TSC22D1: variants seen among roughly 807,000 people sequenced by gnomAD.
TSC22D1 encodes TSC22 domain family member 1.
TSC22D1 carries 9 observed loss-of-function variants against 74.2 expected under a neutral mutation model. The ratio of observed to expected loss-of-function variants is 0.12; its 90% CI spans 0.07 to 0.21. The LOEUF (loss-of-function observed/expected upper bound fraction) is 0.21, where lower values mean the gene tolerates loss of function less well. Ranked by LOEUF, TSC22D1 falls within the 10% of genes least tolerant of loss-of-function variation. The pLI, the probability that TSC22D1 is intolerant of heterozygous loss-of-function variation, is 1.00. For missense variants in TSC22D1, 1,427 were observed against 1,304.7 expected, an observed-to-expected ratio of 1.09 and a Z score of -1.44; for synonymous variants, 586 against 492.5, an observed-to-expected ratio of 1.19 and a Z score of -2.51.
At chr13:44,554,662 T>C (rs919608739) in intron 1 of TSC22D1, among the ~76,000 whole-genome samples, 5 of 147,234 alleles carry the variant, frequency 3.4e-5, no homozygotes, top group African/African-American at 1.2e-4. Context: ...AAAGAGGTAC[T>C]GTTAAAAACC....
chr13:44,475,737 A>G (rs1167298780), intron 1 of TSC22D1, among the ~76,000 whole-genome samples: 1 of 152,194 alleles, frequency 6.6e-6, no homozygotes, highest in Non-Finnish European at 1.5e-5. Context: ...ACAAAGAGAT[A>G]TAAAGTCTGA....
At chr13:44,511,256 A>G (rs760680850) in intron 1 of TSC22D1, among the ~76,000 whole-genome samples, 12 of 152,130 alleles carry the variant, frequency 7.9e-5, no homozygotes, top group Admixed American at 1.3e-4. Context: ...TACACTTCAG[A>G]CTGGGCAACA....
Position 44,575,391 on chromosome 13 carries a change from A to G in TSC22D1, c.684T>C (p.His228=), listed in dbSNP as rs1234930173. Residue 228 remains histidine (H), a synonymous_variant, in exon 1 of 3, where the codon CAT becomes CAC. Transcript: ENST00000458659. ...HHLHHHHQIH[H]GHHLQHGHHH... is the part of the protein sequence containing the mutation. ...GGTGACCATGTTGGAGGTGGTGCCC[A>G]TGATGAATCTGATGGTGGTGATGGA... is the stretch of plus-strand genomic sequence containing the variant. The G allele has an allele frequency of 5.6e-6, 9 of 1,613,972 alleles. No homozygotes were observed. Among genetic ancestry groups the G allele is most frequent in the South Asian group, 5.5e-5 (5 of 91,064 alleles).
intron 1 of TSC22D1, among the ~76,000 whole-genome samples, chr13:44,551,389 G>GGTGGGTGGGTGT (rs1298469090): frequency 8.0e-6 from 1 of 125,252 alleles, no homozygotes; most frequent in African/African-American, 3.1e-5. Context: ...CAATCAGATG[G>GGTGGGTGGGTGT]GTGTGTGTGT....
chr13:44,483,654 C>A (rs1362149021), intron 1 of TSC22D1, among the ~76,000 whole-genome samples: 4 of 145,128 alleles, frequency 2.8e-5, no homozygotes, highest in African/African-American at 1.0e-4. Context: ...GGCGACAGAG[C>A]GAGACTCCGT....
intron 1 of TSC22D1, among the ~76,000 whole-genome samples, chr13:44,466,270 G>A (rs1365091155): frequency 1.3e-5 from 2 of 152,158 alleles, no homozygotes; most frequent in African/African-American, 4.8e-5. Flanking sequence ...AGAGGGATTT[G>A]GGTAAACTAT....
At chr13:44,464,499 T>C (rs1877160317) in intron 1 of TSC22D1, among the ~76,000 whole-genome samples, 1 of 152,118 alleles carries the variant, frequency 6.6e-6, no homozygotes, top group Non-Finnish European at 1.5e-5. Context: ...AGTGATATAG[T>C]CTTTTTTTTT....
chr13:44,575,111 C>T lies in TSC22D1; in HGVS notation c.964G>A (p.Gly322Ser), dbSNP rs759263892. 2 of 1,614,148 alleles carry T rather than the reference C, an allele frequency of 1.2e-6. No homozygotes were observed. The highest frequency in any genetic ancestry group is 2.2e-5 in the South Asian group (2 of 91,068). The change falls in exon 1 of 3, where the codon GGT becomes AGT. Residue 322 changes from glycine (G) to serine (S), a missense_variant. By Grantham distance (56) the Gly-to-Ser change is moderately conservative. Around this residue, in one of 3 missense-constraint regions of TSC22D1, gnomAD observed 1,343 missense variants for 1,191.5 expected, o/e 1.13. Transcript: ENST00000458659. ...CTTGTCACATTAGGATTAAAACTAC[C>T]CACAGCAGTAATGTTAACATTATTT... ...TVNNVNITAV[G>S]SFNPNVTSSM...
intron 1 of TSC22D1, among the ~76,000 whole-genome samples, chr13:44,498,437 A>G (rs1369897720): frequency 1.3e-5 from 2 of 152,308 alleles, no homozygotes; most frequent in East Asian, 3.9e-4. Flanking sequence ...CGTCTCATTC[A>G]GTTTCCAATT....
intron 1 of TSC22D1, among the ~76,000 whole-genome samples, chr13:44,456,639 AG>A (rs1876670958): frequency 2.0e-5 from 3 of 152,244 alleles, no homozygotes; most frequent in Non-Finnish European, 2.9e-5. Flanking sequence ...AGGAACCTAG[AG>A]GAAACAGAGA....
chr13:44,547,609 T>TA (rs1288841023), intron 1 of TSC22D1, among the ~76,000 whole-genome samples: 1 of 152,222 alleles, frequency 6.6e-6, no homozygotes, highest in East Asian at 1.9e-4. Context: ...TCGCAGGAAA[T>TA]AGAGTTTAGT....
intron 1 of TSC22D1, chr13:44,539,584 G>GA (rs1253678781): frequency 1.0e-6 from 1 of 985,220 alleles, no homozygotes; most frequent in African/African-American, 1.7e-5. Flanking sequence ...TATCTGGAGA[G>GA]AAAATTAAAT....
chr13:44,508,615 G>C (rs1407676988), intron 1 of TSC22D1, among the ~76,000 whole-genome samples: 1 of 152,060 alleles, frequency 6.6e-6, no homozygotes, highest in East Asian at 1.9e-4. Context: ...ATTAGACTAT[G>C]TTGCCCACCA....
chr13:44,517,969 A>T (rs1284674768), intron 1 of TSC22D1, among the ~76,000 whole-genome samples: 2 of 140,824 alleles, frequency 1.4e-5, no homozygotes, highest in Admixed American at 1.5e-4. Context: ...CAATCCTCTC[A>T]CCTTAGCCTC....
chr13:44,544,483 G>T (rs1363811886), intron 1 of TSC22D1, among the ~76,000 whole-genome samples: 7 of 143,656 alleles, frequency 4.9e-5, no homozygotes, highest in Non-Finnish European at 4.6e-5. Flanking sequence ...CACATTTTTT[G>T]AAAAAAAATA....
At chr13:44,492,874 G>A (rs903029413) in intron 1 of TSC22D1, among the ~76,000 whole-genome samples, 1 of 151,922 alleles carries the variant, frequency 6.6e-6, no homozygotes, top group Non-Finnish European at 1.5e-5. Flanking sequence ...ACATAAATAT[G>A]AGTTCTAATA....
chr13:44,486,571 T>C (rs957737705), intron 1 of TSC22D1, among the ~76,000 whole-genome samples: 1 of 152,158 alleles, frequency 6.6e-6, no homozygotes, highest in Non-Finnish European at 1.5e-5. Context: ...GTTAAGATAC[T>C]AAAGATCTAA....
Position 44,504,855 on chromosome 13 carries a change from T to C in TSC22D1, c.2912+68308A>G, listed in dbSNP as rs186920434. Among the ~76,000 whole-genome samples, 312 of 152,258 alleles carry C rather than the reference T, an allele frequency of 2.0e-3. 2 individuals are homozygous for C. The highest frequency in any genetic ancestry group is 3.5e-3 in the Non-Finnish European group (238 of 68,020). On this transcript the variant is annotated intron_variant, in intron 1 of 2. Transcript: ENST00000458659. ...TTCTAAGAGGTACTAAAAAGCTCTA[T>C]CAAATATATGTTAAAGGCCAAATGC...
At chr13:44,551,562 A>G (rs1023090056) in intron 1 of TSC22D1, among the ~76,000 whole-genome samples, 1 of 152,112 alleles carries the variant, frequency 6.6e-6, no homozygotes, top group Non-Finnish European at 1.5e-5. Flanking sequence ...CTGGGATTAC[A>G]TAAGCGTGCC....
Sources: allele counts gnomAD v4.1 joint callset (sites outside exome capture counted in the v4.1 genomes callset), GRCh38; gene constraint gnomAD v4.1.1; regional missense constraint gnomAD v4.1.1; transcripts MANE v1.5; gene names NCBI Gene and HGNC (gene_info 2026-07-23, HGNC 2026-07-21).